KCNQ3: variants seen among roughly 807,000 people sequenced by gnomAD.
The protein encoded by KCNQ3 is potassium voltage-gated channel subfamily KQT member 3.
KCNQ3 carries 30 observed loss-of-function variants against 92.5 expected under a neutral mutation model. That is an observed-to-expected ratio of 0.32 (90% CI 0.24 to 0.44). The LOEUF is 0.44. KCNQ3 is among the 20% of genes least tolerant of loss of function. The probability of loss-of-function intolerance (pLI) is 1.00; values close to 1 mark genes in which losing one functional copy is unlikely to be tolerated. For missense variants in KCNQ3, 913 were observed against 1,140.3 expected (o/e 0.80, Z 2.87); for synonymous variants, 450 against 468.8 (o/e 0.96, Z 0.52).
chr8:132,151,331 TA>T (rs939823895), intron 9 of KCNQ3, among the ~76,000 whole-genome samples: 1 of 152,222 alleles, frequency 6.6e-6, no homozygotes, highest in Non-Finnish European at 1.5e-5. Context: ...GTAAGAACAG[TA>T]AAATGTGTTT....
At chr8:132,430,554 G>A (rs1204614346) in intron 1 of KCNQ3, among the ~76,000 whole-genome samples, 1 of 152,124 alleles carries the variant, frequency 6.6e-6, no homozygotes, top group African/African-American at 2.4e-5. Flanking sequence ...ATCCATCAGC[G>A]GGGCCTTCCC....
chr8:132,426,715 G>A (rs1474985820), intron 1 of KCNQ3, among the ~76,000 whole-genome samples: 1 of 152,118 alleles, frequency 6.6e-6, no homozygotes, highest in East Asian at 1.9e-4. Context: ...ATTTCTCCAA[G>A]GAAGAATAAA....
intron 1 of KCNQ3, among the ~76,000 whole-genome samples, chr8:132,270,696 A>T (rs7845250): frequency 0.47 from 72,187 of 152,126 alleles, 18,011 homozygotes; most frequent in East Asian, 0.69. Flanking sequence ...AAATATCTAC[A>T]ATATGTATTT....
intron 1 of KCNQ3, among the ~76,000 whole-genome samples, chr8:132,200,345 T>C (rs1827420931): frequency 6.6e-6 from 1 of 152,200 alleles, no homozygotes; most frequent in Non-Finnish European, 1.5e-5. Context: ...GCTTTTGTGA[T>C]GGAGCAGAAG....
At chr8:132,267,037 T>C (rs920943904) in intron 1 of KCNQ3, among the ~76,000 whole-genome samples, 2 of 152,166 alleles carry the variant, frequency 1.3e-5, no homozygotes, top group Non-Finnish European at 2.9e-5. Context: ...TGGGTGGCTT[T>C]ATAGAAAAGG....
intron 1 of KCNQ3, among the ~76,000 whole-genome samples, chr8:132,383,129 C>T (rs898267473): frequency 6.6e-6 from 1 of 152,172 alleles, no homozygotes; most frequent in African/African-American, 2.4e-5. Flanking sequence ...CCCAAACCAT[C>T]CCTTTGCCTG....
chr8:132,182,670 A>G (rs1826823817), intron 3 of KCNQ3, among the ~76,000 whole-genome samples: 1 of 152,178 alleles, frequency 6.6e-6, no homozygotes, highest in Admixed American at 6.5e-5. Context: ...TCATAAAGCT[A>G]CCACCCACAC....
intron 1 of KCNQ3, among the ~76,000 whole-genome samples, chr8:132,244,637 T>C (rs1815102760): frequency 6.6e-6 from 1 of 152,186 alleles, no homozygotes; most frequent in South Asian, 2.1e-4. Flanking sequence ...AAAATCTATG[T>C]TTGGGAAAAT....
chr8:132,209,773 G>A (rs1449286988), intron 1 of KCNQ3, among the ~76,000 whole-genome samples: 14 of 152,116 alleles, frequency 9.2e-5, no homozygotes, highest in Admixed American at 9.2e-4. Context: ...GCATGTTTAA[G>A]GTAGGCTAGG....
intron 1 of KCNQ3, among the ~76,000 whole-genome samples, chr8:132,404,648 C>G (rs1018815491): frequency 6.6e-6 from 1 of 152,158 alleles, no homozygotes; most frequent in African/African-American, 2.4e-5. Flanking sequence ...TAGCCAACTC[C>G]TTGCAATAAA....
At chr8:132,231,200 C>T (rs1355869280) in intron 1 of KCNQ3, among the ~76,000 whole-genome samples, 1 of 152,214 alleles carries the variant, frequency 6.6e-6, no homozygotes, top group African/African-American at 2.4e-5. Context: ...ATGACCCTGT[C>T]AATACCTTGA....
intron 1 of KCNQ3, among the ~76,000 whole-genome samples, chr8:132,426,231 C>T (rs1428089375): frequency 6.6e-6 from 1 of 152,204 alleles, no homozygotes; most frequent in African/African-American, 2.4e-5. Context: ...ACTGGCAGGG[C>T]CTCAGATGGC....
intron 9 of KCNQ3, among the ~76,000 whole-genome samples, chr8:132,145,924 G>A (rs1025826289): frequency 5.6e-4 from 86 of 152,364 alleles, no homozygotes; most frequent in African/African-American, 2.0e-3. Flanking sequence ...CTCTCCAGGC[G>A]GAAGCACTGC....
At chr8:132,324,477 C>T (rs932632232) in intron 1 of KCNQ3, among the ~76,000 whole-genome samples, 12 of 152,140 alleles carry the variant, frequency 7.9e-5, no homozygotes, top group African/African-American at 2.9e-4. Context: ...CCCCACATTG[C>T]CATCTAAGAA....
intron 1 of KCNQ3, among the ~76,000 whole-genome samples, chr8:132,197,258 G>T (rs1295856300): frequency 6.6e-6 from 1 of 152,132 alleles, no homozygotes; most frequent in Non-Finnish European, 1.5e-5. Context: ...TGATGGTTGT[G>T]GTGGAGGCTT....
At chr8:132,320,906 T>C (rs923680545) in intron 1 of KCNQ3, among the ~76,000 whole-genome samples, 18 of 152,196 alleles carry the variant, frequency 1.2e-4, no homozygotes, top group Admixed American at 9.8e-4. Context: ...TCACCCACAG[T>C]CCTTAGGGTT....
intron 1 of KCNQ3, among the ~76,000 whole-genome samples, chr8:132,205,613 G>A (rs1813631378): frequency 6.6e-6 from 1 of 152,208 alleles, no homozygotes; most frequent in South Asian, 2.1e-4. Flanking sequence ...TCAAGTTTTT[G>A]TGACTCAGGC....
chr8:132,398,918 G>T (rs1465867033), intron 1 of KCNQ3, among the ~76,000 whole-genome samples: 1 of 152,220 alleles, frequency 6.6e-6, no homozygotes, highest in African/African-American at 2.4e-5. Context: ...CTAAGTTAAA[G>T]GCTGCAGTGG....
chr8:132,216,454 C>T (rs1165900913), intron 1 of KCNQ3, among the ~76,000 whole-genome samples: 1 of 152,164 alleles, frequency 6.6e-6, no homozygotes, highest in Non-Finnish European at 1.5e-5. Flanking sequence ...AGCAGGCAAA[C>T]CTGATCCCTC....
Sources: allele counts gnomAD v4.1 joint callset (sites outside exome capture counted in the v4.1 genomes callset), GRCh38; gene constraint gnomAD v4.1.1; transcripts MANE v1.5; gene names NCBI Gene and HGNC (gene_info 2026-07-23, HGNC 2026-07-21).